MYBPC1: variants seen among roughly 807,000 people sequenced by gnomAD.
The protein encoded by MYBPC1 is myosin binding protein C1, also known as myosin-binding protein C, slow-type.
A neutral mutation model predicts 147.1 loss-of-function variants in MYBPC1; 52 were observed. The ratio of observed to expected loss-of-function variants is 0.35; its 90% confidence interval spans 0.28 to 0.45. The LOEUF (loss-of-function observed/expected upper bound fraction) is 0.45. Ranked by LOEUF, MYBPC1 falls within the 20% of genes least tolerant of loss-of-function variation. MYBPC1 has a pLI of 1.00. For synonymous variants in MYBPC1, 477 were observed against 475.9 expected, an observed-to-expected ratio of 1.00 and a Z score of -0.03; for missense variants, 1,228 against 1,440.3, an observed-to-expected ratio of 0.85 and a Z score of 2.39.
intron 9 of MYBPC1, 97 bp downstream of exon 9, chr12:101,634,702 A>G (rs1890643228): frequency 1.0e-6 from 1 of 1,004,390 alleles, no homozygotes; most frequent in Admixed American, 1.8e-5. Flanking sequence ...TATTCCAAAT[A>G]CGAACAACAC....
In MYBPC1 at chr12:101,683,005, A is replaced by G. The variant is rs1951114774; in HGVS notation, c.3492+343A>G. Among the ~76,000 whole-genome samples the G allele has an allele frequency of 2.6e-5, 4 of 152,348 alleles. No homozygotes were observed. The South Asian group carries it at 6.2e-4, about 24-fold the overall frequency. On this transcript the variant is annotated intron_variant, in intron 30 of 31. Transcript: ENST00000361466. ...TAATATTTTCATTTTTTAAATGTAG[A>G]GAGACTTTTTTAAAGATAGTTGACA...
intron 1 of MYBPC1, among the ~76,000 whole-genome samples, chr12:101,607,545 C>G (rs914691386): frequency 2.0e-5 from 3 of 151,900 alleles, no homozygotes; most frequent in African/African-American, 7.3e-5. Flanking sequence ...AAAAATTTTC[C>G]CCTAGAAAGT....
chr12:101,636,777 G>C lies in MYBPC1; in HGVS notation c.665+49G>C, dbSNP rs1891071761. ...GACATTGTGGCCTGGAAGTCTTTCA[G>C]ACACCCACTCAGAGAAGTCAAGTTT... On this transcript the variant is annotated intron_variant, in intron 10 of 31. Coordinates refer to ENST00000361466, the MANE Select transcript of MYBPC1 (RefSeq NM_002465.4). 3.4e-6 allele frequency: 5 copies of C among 1,486,892 alleles called. No homozygotes were observed. In the East Asian group the frequency reaches 1.1e-4, roughly 34 times the overall value. 92.1% of individuals were successfully genotyped at this position (1,486,892 alleles called of 1,614,324 possible).
chr12:101,614,852 G>T, intron 2 of MYBPC1: 2 of 411,536 alleles, frequency 4.9e-6, no homozygotes, highest in South Asian at 2.4e-5. Flanking sequence ...AGGGGCTGAA[G>T]AATTTGTGAG....
At chr12:101,662,036 T>C (rs572077738) in intron 20 of MYBPC1, among the ~76,000 whole-genome samples, 1 of 152,284 alleles carries the variant, frequency 6.6e-6, no homozygotes, top group East Asian at 1.9e-4. Context: ...TCTTCCTTGC[T>C]GGGACTCAGA....
intron 11 of MYBPC1, among the ~76,000 whole-genome samples, chr12:101,644,188 C>T (rs1892614949): frequency 1.3e-5 from 2 of 152,090 alleles, no homozygotes; most frequent in East Asian, 1.9e-4. Context: ...AGGCATGCAC[C>T]ACCACACCCC....
chr12:101,671,334 C>CTCAT (rs1433338991), intron 24 of MYBPC1, among the ~76,000 whole-genome samples: 1 of 137,982 alleles, frequency 7.2e-6, no homozygotes, highest in Non-Finnish European at 1.6e-5. Flanking sequence ...CACACACACA[C>CTCAT]ACACTCACAC....
At chr12:101,683,661 G>A (rs887205696) in intron 30 of MYBPC1, among the ~76,000 whole-genome samples, 2 of 152,096 alleles carry the variant, frequency 1.3e-5, no homozygotes, top group Non-Finnish European at 2.9e-5. Flanking sequence ...ACCCCCATTT[G>A]GAATTGCAAA....
In MYBPC1 at chr12:101,674,998, T is replaced by C. The variant is rs371876019; in HGVS notation, c.2810-294T>C. On this transcript the variant is annotated intron_variant, in intron 25 of 31. Coordinates refer to ENST00000361466, the MANE Select transcript of MYBPC1 (RefSeq NM_002465.4). ...CTCTAACCAAAGGGGCAACTTCCTG[T>C]AACAGCCTCCCTTAAAGGGTCATTC... 4.6e-5 allele frequency among the ~76,000 whole-genome samples: 7 copies of C among 152,206 alleles called. 1 individual carries two copies. Among genetic ancestry groups the C allele is most frequent in the East Asian group, 1.9e-4 (1 of 5,176 alleles).
At position 101,610,579 on chromosome 12, in the gene MYBPC1, A is replaced by C. The variant is rs571382539; in HGVS notation, c.26-3917A>C. Among the ~76,000 whole-genome samples, 7 of 152,276 alleles carry C rather than the reference A, an allele frequency of 4.6e-5. No individual in the cohort carries two copies. The South Asian group carries it at 1.5e-3, about 32-fold the overall frequency. On this transcript the variant is annotated intron_variant, in intron 1 of 31. Coordinates refer to ENST00000361466, the MANE Select transcript of MYBPC1 (RefSeq NM_002465.4). ...TAAAAGCCATGAAAAGTTAAAGTCT[A>C]TGTGACACTTGCCATGTTCTCTACC...
chr12:101,644,532 G>A (rs544915007), intron 11 of MYBPC1, 132 bp from the exon 12 acceptor site: 2 of 792,466 alleles, frequency 2.5e-6, no homozygotes, highest in South Asian at 3.2e-5. Flanking sequence ...GGATAATTTG[G>A]AAGGTTTCTG....
chr12:101,634,714 T>A, intron 9 of MYBPC1, 109 bp downstream of exon 9: 2 of 906,408 alleles, frequency 2.2e-6, no homozygotes, highest in Non-Finnish European at 3.6e-6. Context: ...GAACAACACT[T>A]TTCACCGCAA....
At chr12:101,643,896 G>A (rs1225582636) in intron 11 of MYBPC1, among the ~76,000 whole-genome samples, 2 of 152,008 alleles carry the variant, frequency 1.3e-5, no homozygotes, top group Admixed American at 6.6e-5. Flanking sequence ...TTAGTCAAAG[G>A]CATTCGATTT....
At chr12:101,675,167 G>A in intron 25 of MYBPC1, 125 bp from the exon 26 acceptor site, 1 of 1,321,198 alleles carries the variant, frequency 7.6e-7, no homozygotes. Context: ...AGCCCCCATG[G>A]TAGGGTCTAG....
intron 22 of MYBPC1, among the ~76,000 whole-genome samples, chr12:101,667,492 AC>A (rs1418202076): frequency 4.6e-5 from 7 of 152,196 alleles, no homozygotes; most frequent in African/African-American, 1.7e-4. Context: ...TTTTTCAGAA[AC>A]AGCAGAATCT....
intron 27 of MYBPC1, 152 bp from the exon 28 acceptor site, chr12:101,677,950 C>A: frequency 2.1e-6 from 2 of 953,398 alleles, no homozygotes; most frequent in South Asian, 1.5e-5. Flanking sequence ...CGTTTATACC[C>A]CTCAGAATGT....
Position 101,632,145 on chromosome 12 carries a change from G to T in MYBPC1, c.556+7G>T, listed in dbSNP as rs1400111563. ...TTTGATCTTGAAGTGCACGGTAAGA[G>T]AGCCTTCTTGCCTAGATAAATGTAA... On this transcript the variant is annotated splice_region_variant and intron_variant, in intron 8 of 31. Coordinates refer to ENST00000361466, the MANE Select transcript of MYBPC1 (RefSeq NM_002465.4). 1.3e-6 allele frequency: 2 copies of T among 1,574,102 alleles called. No individual in the cohort carries two copies. Among genetic ancestry groups the T allele is most frequent in the African/African-American group, 1.3e-5 (1 of 74,264 alleles).
At chr12:101,622,921 A>T (rs1887756495) in intron 3 of MYBPC1, among the ~76,000 whole-genome samples, 1 of 152,190 alleles carries the variant, frequency 6.6e-6, no homozygotes, top group Non-Finnish European at 1.5e-5. Context: ...ATTTCATGAT[A>T]CTCTGAAGCG....
chr12:101,595,946 G>A (rs1022233426), intron 1 of MYBPC1, among the ~76,000 whole-genome samples: 6 of 151,724 alleles, frequency 4.0e-5, no homozygotes, highest in African/African-American at 1.5e-4. Context: ...TACTATGCAT[G>A]CATTGAATTT....
Sources: gnomAD v4.1 joint callset for allele counts (sites outside exome capture counted in the v4.1 genomes callset) on GRCh38, gnomAD v4.1.1 for gene constraint, MANE v1.5 for transcripts, NCBI Gene and HGNC (gene_info 2026-07-23, HGNC 2026-07-21) for gene names.